Variants in BIRC6 observed in about 807,000 individuals in gnomAD.
BIRC6 encodes baculoviral IAP repeat containing 6, also known as dual E2 ubiquitin-conjugating enzyme/E3 ubiquitin-protein ligase BIRC6.
Under a neutral mutation model 503.3 loss-of-function variants are expected in BIRC6, and 98 were observed. The observed-to-expected ratio is 0.19, with a 90% CI of 0.17 to 0.23. BIRC6 has a LOEUF of 0.23. BIRC6 is among the 10% of genes least tolerant of loss of function. The pLI is 1.00. For missense variants in BIRC6, 5,360 were observed against 5,806.0 expected (o/e 0.92, Z 2.50); for synonymous variants, 2,240 against 2,078.7 (o/e 1.08, Z -2.11).
intron 3 of BIRC6, among the ~76,000 whole-genome samples, chr2:32,380,774 G>A (rs1442837906): frequency 2.0e-5 from 3 of 152,064 alleles, no homozygotes; most frequent in African/African-American, 7.2e-5. Flanking sequence ...CTTAATCGAA[G>A]CTTAACTTCA....
rs202155532 is a variant in BIRC6 at position 32,430,918 on chromosome 2, G to C, written c.3076G>C (p.Val1026Leu). The C allele has an allele frequency of 6.2e-7, 1 of 1,604,416 alleles. No individual in the cohort carries two copies. Among genetic ancestry groups the C allele is most frequent in the South Asian group, 1.1e-5 (1 of 90,854 alleles). The change falls in exon 12 of 74, where the codon GTG becomes CTG. Residue 1026 changes from valine to leucine, a missense_variant. By Grantham distance (32) the Val-to-Leu change is conservative (BLOSUM62 1). Transcript: ENST00000421745. ...PFTLEILTSL[V>L]ELTRFETLTP... is the part of the protein sequence containing the mutation. ...CACCCTTGAAATCTTGACATCCCTAGTGGAGCTAACCCGCTTTGAGACTTT... is the reference window on the plus strand; with the variant it reads ...CACCCTTGAAATCTTGACATCCCTACTGGAGCTAACCCGCTTTGAGACTTT...
At chr2:32,464,011 A>G (rs1050033678) in intron 24 of BIRC6, among the ~76,000 whole-genome samples, 1 of 152,152 alleles carries the variant, frequency 6.6e-6, no homozygotes, top group African/African-American at 2.4e-5. Context: ...CTAATGCCTG[A>G]TGATCTGAGG....
chr2:32,533,905 C>G (rs1233931629), intron 61 of BIRC6, among the ~76,000 whole-genome samples: 1 of 152,120 alleles, frequency 6.6e-6, no homozygotes, highest in Non-Finnish European at 1.5e-5. Context: ...GAGTTTGTGG[C>G]AATGTGTTAT....
rs187815834 is a variant in BIRC6, at chr2:32,455,016, A to C, written c.4753+1074A>C. ...TACACTAGAATAGAAACATGCCATG[A>C]CAAAAAATTTGAACTTTCAGAAAAT... On this transcript the variant is annotated intron_variant, in intron 23 of 73. Coordinates refer to ENST00000421745, the MANE Select transcript of BIRC6 (RefSeq NM_016252.4). 7.9e-5 allele frequency among the ~76,000 whole-genome samples: 12 copies of C among 152,338 alleles called. No homozygotes were observed. The East Asian group carries it at 2.3e-3, about 29-fold the overall frequency.
intron 6 of BIRC6, among the ~76,000 whole-genome samples, chr2:32,400,636 T>C (rs2040504932): frequency 6.6e-6 from 1 of 152,258 alleles, no homozygotes; most frequent in Non-Finnish European, 1.5e-5. Flanking sequence ...CGCACCCGGC[T>C]GCCTTCAGAT....
At chr2:32,509,279 G>A (rs1022672638) in intron 51 of BIRC6, among the ~76,000 whole-genome samples, 1 of 152,134 alleles carries the variant, frequency 6.6e-6, no homozygotes. Context: ...TTTTGAGACA[G>A]AGTCTCACCC....
At chr2:32,358,044 G>A (rs10182498) in intron 1 of BIRC6, among the ~76,000 whole-genome samples, 1 of 129,716 alleles carries the variant, frequency 7.7e-6, no homozygotes, top group Non-Finnish European at 1.7e-5. Flanking sequence ...GGGGTGGGGT[G>A]GGGGTGGGGT....
chr2:32,577,651 C>T lies in BIRC6; in HGVS notation c.13355+2285C>T, dbSNP rs9789619. The stretch of plus-strand genomic sequence containing the variant: ...GGAAATTTGGACACCTATAGTGCCT[C>T]TTTGGTCTATTTGCTTTTCTTAGCT... On this transcript the variant is annotated intron_variant, in intron 66 of 73. Coordinates refer to ENST00000421745, the MANE Select transcript of BIRC6 (RefSeq NM_016252.4). Among the ~76,000 whole-genome samples, 7 of 152,262 alleles carry T rather than the reference C, an allele frequency of 4.6e-5. No individual in the cohort carries two copies. In the East Asian group the frequency reaches 1.4e-3, roughly 29 times the overall value.
intron 66 of BIRC6, among the ~76,000 whole-genome samples, chr2:32,585,050 G>T (rs541993930): frequency 6.6e-6 from 1 of 152,174 alleles, no homozygotes; most frequent in South Asian, 2.1e-4. Flanking sequence ...AGTCATTTTT[G>T]TATGTAATAT....
intron 72 of BIRC6, 127 bp downstream of exon 72, chr2:32,607,770 G>A: frequency 1.5e-6 from 1 of 659,910 alleles, no homozygotes; most frequent in Non-Finnish European, 2.3e-6. Context: ...TTCAGGTCAG[G>A]AGTCTGAGAC....
chr2:32,474,672 A>G (rs1385289949), intron 33 of BIRC6, among the ~76,000 whole-genome samples: 3 of 152,236 alleles, frequency 2.0e-5, no homozygotes, highest in Non-Finnish European at 4.4e-5. Flanking sequence ...AGTGAAAACT[A>G]GTTGTATTTG....
At chr2:32,569,541 T>C (rs1452272402) in intron 65 of BIRC6, among the ~76,000 whole-genome samples, 1 of 152,082 alleles carries the variant, frequency 6.6e-6, no homozygotes, top group Non-Finnish European at 1.5e-5. Context: ...ACTAATTTCC[T>C]TTTTGGTTTT....
chr2:32,614,070 A>C (rs920181117), intron 73 of BIRC6, among the ~76,000 whole-genome samples: 7 of 152,168 alleles, frequency 4.6e-5, no homozygotes, highest in African/African-American at 1.7e-4. Context: ...CCTCAAATCA[A>C]GTTTTCTAGC....
chr2:32,557,020 A>G lies in BIRC6; in HGVS notation c.13144+7539A>G, dbSNP rs115896942. On this transcript the variant is annotated intron_variant, in intron 65 of 73. Transcript: ENST00000421745. ...GTTAACAATGGTAGTTTTATTTTGT[A>G]TTACCCACATTTATCAGAGAAATAA... Among the ~76,000 whole-genome samples the G allele has an allele frequency of 4.7e-3, 723 of 152,320 alleles. 4 individuals carry two copies. The highest frequency in any genetic ancestry group is 8.2e-3 in the Non-Finnish European group (555 of 68,016).
At chr2:32,390,826 CACTT>C (rs1293526653) in intron 4 of BIRC6, among the ~76,000 whole-genome samples, 7 of 152,164 alleles carry the variant, frequency 4.6e-5, no homozygotes, top group African/African-American at 4.8e-5. Context: ...TCTGCGTAAT[CACTT>C]ACCCTCTTTT....
intron 1 of BIRC6, among the ~76,000 whole-genome samples, chr2:32,366,271 T>A (rs554815022): frequency 6.6e-6 from 1 of 152,346 alleles, no homozygotes; most frequent in South Asian, 2.1e-4. Context: ...CTTTTAAGAT[T>A]TTTGGGGAGG....
chr2:32,520,361 A>G (rs1204958594), intron 57 of BIRC6, among the ~76,000 whole-genome samples: 1 of 152,214 alleles, frequency 6.6e-6, no homozygotes, highest in African/African-American at 2.4e-5. Context: ...CTTATACAAT[A>G]GGTTGTTAGC....
At chr2:32,388,468 A>G (rs1281640773) in intron 3 of BIRC6, among the ~76,000 whole-genome samples, 3 of 152,102 alleles carry the variant, frequency 2.0e-5, no homozygotes, top group African/African-American at 7.2e-5. Flanking sequence ...AAGCTTCCCA[A>G]AGTGTTGGGA....
intron 61 of BIRC6, among the ~76,000 whole-genome samples, chr2:32,536,275 T>C (rs1322278861): frequency 1.3e-5 from 2 of 152,186 alleles, no homozygotes; most frequent in African/African-American, 4.8e-5. Flanking sequence ...ACTCTGATGG[T>C]AGTTTGTTTT....
Sources: gnomAD v4.1 joint callset for allele counts (sites outside exome capture counted in the v4.1 genomes callset) on GRCh38, gnomAD v4.1.1 for gene constraint, MANE v1.5 for transcripts, NCBI Gene and HGNC (gene_info 2026-07-23, HGNC 2026-07-21) for gene names.